The following SYT9 variants were observed in gnomAD, a reference collection of about 807,000 sequenced individuals.
SYT9 encodes synaptotagmin-9.
A neutral mutation model predicts 48.4 loss-of-function variants in SYT9; 22 were observed. The ratio of observed to expected loss-of-function variants is 0.45; its 90% confidence interval spans 0.32 to 0.65. The LOEUF is 0.65. SYT9 is among the 30% of genes least tolerant of loss of function. The probability of loss-of-function intolerance (pLI) is 0.03; values close to 1 mark genes in which losing one functional copy is unlikely to be tolerated. For missense variants in SYT9, 577 were observed against 622.0 expected (o/e 0.93, Z 0.77); for synonymous variants, 265 against 245.0 (o/e 1.08, Z -0.76).
At chr11:7,241,232 A>C (rs980681072) in intron 1 of SYT9, among the ~76,000 whole-genome samples, 1 of 147,706 alleles carries the variant, frequency 6.8e-6, no homozygotes, top group African/African-American at 2.6e-5. Flanking sequence ...ACACACACAC[A>C]CACACGCACA....
intron 1 of SYT9, among the ~76,000 whole-genome samples, chr11:7,286,137 C>T (rs1848591010): frequency 6.6e-6 from 1 of 152,208 alleles, no homozygotes; most frequent in African/African-American, 2.4e-5. Context: ...TTTAACCCCA[C>T]ATTTCCCTTC....
intron 3 of SYT9, among the ~76,000 whole-genome samples, chr11:7,384,131 C>T (rs1564884665): frequency 1.3e-5 from 2 of 151,760 alleles, no homozygotes; most frequent in South Asian, 2.1e-4. Flanking sequence ...TTCTCAAAAT[C>T]GTTATACACT....
At position 7,291,317 on chromosome 11, in the gene SYT9, G is replaced by A. The variant is rs111662096; in HGVS notation, c.146-11722G>A. Among the ~76,000 whole-genome samples, 525 of 152,292 alleles carry A rather than the reference G, an allele frequency of 3.4e-3. 5 individuals carry two copies. Among genetic ancestry groups the A allele is most frequent in the African/African-American group, 0.012 (518 of 41,546 alleles). On this transcript the variant is annotated intron_variant, in intron 1 of 6. Coordinates refer to ENST00000318881, the MANE Select transcript of SYT9 (RefSeq NM_175733.4). Reference sequence around the variant, plus strand: ...GAAAGACTTAAAATGCAAATGTTAGGACATGGTTTCAGTATTCATCAGATG... The same window carrying A: ...GAAAGACTTAAAATGCAAATGTTAGAACATGGTTTCAGTATTCATCAGATG...
rs1240346316 is a variant in SYT9 at position 7,392,501 on chromosome 11, T to C, written c.1045-23541T>C. Among the ~76,000 whole-genome samples, 3 of 152,300 alleles carry C rather than the reference T, an allele frequency of 2.0e-5. No individual in the cohort carries two copies. In the East Asian group the frequency reaches 5.8e-4, roughly 29 times the overall value. On this transcript the variant is annotated intron_variant, in intron 3 of 6. Coordinates refer to ENST00000318881, the MANE Select transcript of SYT9 (RefSeq NM_175733.4). ...ACCAGTACCATATTCTTTTGGTTAC[T>C]GTAGCTTTGTAGTATAGTTTAAAGT... is the stretch of plus-strand genomic sequence containing the variant.
At position 7,252,390 on chromosome 11, in the gene SYT9, C is replaced by T. The variant is rs1239633286; in HGVS notation, c.145+59C>T. The T allele has an allele frequency of 1.5e-5, 21 of 1,360,214 alleles. No individual in the cohort carries two copies. Among genetic ancestry groups the T allele is most frequent in the Non-Finnish European group, 2.0e-5 (21 of 1,055,734 alleles). 84.3% of individuals were successfully genotyped at this position (1,360,214 alleles called of 1,614,324 possible). ...AGGGCCCTGGGCTGGGACTTGGGGCCGCACCGGGGCCTGAGGCAGAACAGC... is the reference window on the plus strand; with the variant it reads ...AGGGCCCTGGGCTGGGACTTGGGGCTGCACCGGGGCCTGAGGCAGAACAGC... On this transcript the variant is annotated intron_variant, in intron 1 of 6. Coordinates refer to ENST00000318881, the MANE Select transcript of SYT9 (RefSeq NM_175733.4). This position sits in a 1 kb window ranked among gnomAD's most constrained non-coding sequence, Gnocchi z 6.3.
At chr11:7,339,928 T>C (rs1408781280) in intron 3 of SYT9, among the ~76,000 whole-genome samples, 1 of 152,262 alleles carries the variant, frequency 6.6e-6, no homozygotes, top group African/African-American at 2.4e-5. Flanking sequence ...GAAGTTTTCA[T>C]GGACAATATC....
rs529255524 is a variant in SYT9, at chr11:7,401,193, A to C, written c.1045-14849A>C. ...AACTGTTTTACACACAAAATTACTA[A>C]ACAACTTTTTTTTGTAAAATTACCT... On this transcript the variant is annotated intron_variant, in intron 3 of 6. Transcript: ENST00000318881. Among the ~76,000 whole-genome samples the C allele has an allele frequency of 1.2e-3, 181 of 151,922 alleles. 1 individual carries two copies. The highest frequency in any genetic ancestry group is 4.2e-3 in the African/African-American group (173 of 41,494).
At chr11:7,372,280 G>A (rs375071904) in intron 3 of SYT9, among the ~76,000 whole-genome samples, 3 of 152,072 alleles carry the variant, frequency 2.0e-5, no homozygotes, top group South Asian at 4.1e-4. Context: ...AATTTATGTG[G>A]GGTTTTTTTG....
At chr11:7,307,729 G>T (rs555531063) in intron 2 of SYT9, among the ~76,000 whole-genome samples, 1 of 152,224 alleles carries the variant, frequency 6.6e-6, no homozygotes, top group Non-Finnish European at 1.5e-5. Context: ...GTATACAGGG[G>T]CCTGTCTGAG....
chr11:7,447,720 G>A (rs1785666275), intron 6 of SYT9, among the ~76,000 whole-genome samples: 1 of 152,140 alleles, frequency 6.6e-6, no homozygotes, highest in Non-Finnish European at 1.5e-5. Context: ...CTTTGTGATA[G>A]CTCCCATAAT....
rs188019569 is a variant in SYT9 at position 7,245,779 on chromosome 11, G to A, written c.49+6863G>A. ...CAGCATAATTCTACCCATGCAAGTGGAGCCCTCATGGCCTAATCATCTCAT... is the reference window on the plus strand; with the variant it reads ...CAGCATAATTCTACCCATGCAAGTGAAGCCCTCATGGCCTAATCATCTCAT... On this transcript the variant is annotated intron_variant and NMD_transcript_variant, in intron 1 of 8. Transcript: ENST00000524820. Among the ~76,000 whole-genome samples, 373 of 152,260 alleles carry A rather than the reference G, an allele frequency of 2.4e-3. 2 individuals are homozygous for A. Among genetic ancestry groups the A allele is most frequent in the Non-Finnish European group, 4.4e-3 (297 of 68,020 alleles).
intron 1 of SYT9, among the ~76,000 whole-genome samples, chr11:7,261,561 G>A (rs1485892671): frequency 6.6e-6 from 1 of 152,086 alleles, no homozygotes; most frequent in East Asian, 1.9e-4. Flanking sequence ...AAATTATATT[G>A]TATGTTAGAT....
chr11:7,308,143 A>G (rs1193695634), intron 2 of SYT9, among the ~76,000 whole-genome samples: 1 of 152,218 alleles, frequency 6.6e-6, no homozygotes. Flanking sequence ...CTTCATCACC[A>G]GGGGAGTTTT....
chr11:7,317,249 T>G (rs1400665083), intron 3 of SYT9, among the ~76,000 whole-genome samples: 2 of 152,222 alleles, frequency 1.3e-5, no homozygotes, highest in African/African-American at 4.8e-5. Context: ...TCAATTATGA[T>G]TTTAATCCAT....
intron 6 of SYT9, among the ~76,000 whole-genome samples, chr11:7,463,513 A>G (rs975867140): frequency 3.3e-5 from 5 of 152,172 alleles, no homozygotes; most frequent in Admixed American, 2.6e-4. Context: ...AACAACAGCA[A>G]AATTTACTCA....
chr11:7,373,605 G>A (rs71472644), intron 3 of SYT9, among the ~76,000 whole-genome samples: 22,122 of 152,128 alleles, frequency 0.15, 1,893 homozygotes, highest in South Asian at 0.23. Flanking sequence ...GCTGCAGGGT[G>A]TACCTAGGGC....
intron 3 of SYT9, among the ~76,000 whole-genome samples, chr11:7,321,045 T>A (rs1329067742): frequency 6.6e-6 from 1 of 152,106 alleles, no homozygotes; most frequent in African/African-American, 2.4e-5. Context: ...TTCTTGGTGG[T>A]TGGCTTAGAA....
intron 1 of SYT9, among the ~76,000 whole-genome samples, chr11:7,242,038 C>T (rs1222144198): frequency 6.6e-6 from 1 of 152,136 alleles, no homozygotes; most frequent in Non-Finnish European, 1.5e-5. Context: ...ATTTCAAATG[C>T]TTATGGAAAT....
At chr11:7,458,453 C>CACTCA (rs1848188020) in intron 6 of SYT9, among the ~76,000 whole-genome samples, 2 of 151,902 alleles carry the variant, frequency 1.3e-5, no homozygotes, top group African/African-American at 4.9e-5. Context: ...TGCACTCCAG[C>CACTCA]CTGGGCAACA....
Sources: allele counts gnomAD v4.1 joint callset (sites outside exome capture counted in the v4.1 genomes callset), GRCh38; gene constraint gnomAD v4.1.1; non-coding constraint Gnocchi (gnomAD v3.1); transcripts MANE v1.5; gene names NCBI Gene and HGNC (gene_info 2026-07-23, HGNC 2026-07-21).